CACHD1: variants seen among roughly 807,000 people sequenced by gnomAD.
The protein encoded by CACHD1 is cache domain containing 1.
Under a neutral mutation model 138.7 loss-of-function variants are expected in CACHD1, and 71 were observed. That is an observed-to-expected ratio of 0.51 (90% CI 0.42 to 0.62). The LOEUF is 0.62. CACHD1 is among the 20% of genes least tolerant of loss of function. The pLI is 0.00. For synonymous variants in CACHD1, 578 were observed against 591.5 expected, an observed-to-expected ratio of 0.98 and a Z score of 0.33; for missense variants, 1,389 against 1,625.3, an observed-to-expected ratio of 0.85 and a Z score of 2.50.
intron 2 of CACHD1, among the ~76,000 whole-genome samples, chr1:64,552,771 G>T (rs953987699): frequency 6.6e-6 from 1 of 152,200 alleles, no homozygotes; most frequent in Non-Finnish European, 1.5e-5. Context: ...GGGCCACTGT[G>T]CCCAGCCTAT....
intron 1 of CACHD1, among the ~76,000 whole-genome samples, chr1:64,496,112 T>G: frequency 6.6e-6 from 1 of 152,210 alleles, no homozygotes; most frequent in Middle Eastern, 3.2e-3. Context: ...GTAGTGAAAG[T>G]GACTTGATGT....
intron 1 of CACHD1, among the ~76,000 whole-genome samples, chr1:64,522,380 T>C (rs190193600): frequency 4.0e-4 from 61 of 152,226 alleles, no homozygotes; most frequent in Middle Eastern, 3.4e-3. Context: ...TGATCTCGGC[T>C]CACTGCAACC....
intron 1 of CACHD1, chr1:64,506,299 A>T (rs1239444563): frequency 2.6e-5 from 4 of 152,246 alleles, no homozygotes; most frequent in African/African-American, 7.2e-5. Context: ...TTCTTCAGGG[A>T]TGCAGACAGG....
At chr1:64,575,154 T>G (rs1646957498) in intron 2 of CACHD1, among the ~76,000 whole-genome samples, 1 of 152,248 alleles carries the variant, frequency 6.6e-6, no homozygotes, top group South Asian at 2.1e-4. Context: ...GTATATTCAC[T>G]GTGTTTCATT....
At chr1:64,542,976 C>A (rs1418908497) in intron 1 of CACHD1, among the ~76,000 whole-genome samples, 3 of 148,262 alleles carry the variant, frequency 2.0e-5, no homozygotes, top group African/African-American at 7.8e-5. Flanking sequence ...ATAGTACATC[C>A]ACACACACAT....
intron 1 of CACHD1, among the ~76,000 whole-genome samples, chr1:64,530,933 GTT>G (rs369893062): frequency 7.7e-6 from 1 of 130,180 alleles, no homozygotes; most frequent in African/African-American, 3.0e-5. Context: ...GTTTTTTTTT[GTT>G]TTTTTTTTTT....
At chr1:64,576,477 A>T (rs919094118) in intron 2 of CACHD1, among the ~76,000 whole-genome samples, 9 of 151,344 alleles carry the variant, frequency 5.9e-5, no homozygotes, top group Admixed American at 5.9e-4. Flanking sequence ...GCTAACAGAG[A>T]TTCCTTTTAG....
chr1:64,471,062 G>A, intron 1 of CACHD1, 120 bp downstream of exon 1: 3 of 997,536 alleles, frequency 3.0e-6, no homozygotes, highest in Non-Finnish European at 4.3e-6. Flanking sequence ...ATAGAGCCCG[G>A]CTTCCCGTCG....
chr1:64,522,338 C>G (rs530957416), intron 1 of CACHD1, among the ~76,000 whole-genome samples: 1 of 151,398 alleles, frequency 6.6e-6, no homozygotes, highest in South Asian at 2.1e-4. Flanking sequence ...AGATGAAGCT[C>G]GCTGTGTCTC....
At chr1:64,545,209 G>A (rs1646709611) in intron 1 of CACHD1, among the ~76,000 whole-genome samples, 1 of 152,198 alleles carries the variant, frequency 6.6e-6, no homozygotes, top group Admixed American at 6.5e-5. Flanking sequence ...TACCTAGAAT[G>A]TATGTTTAAA....
At chr1:64,606,618 G>T (rs1557516620) in intron 4 of CACHD1, among the ~76,000 whole-genome samples, 1 of 152,190 alleles carries the variant, frequency 6.6e-6, no homozygotes, top group Non-Finnish European at 1.5e-5. Context: ...TCGGTTAAAA[G>T]GTTTACTGAG....
chr1:64,685,034 C>T (rs1444428454), intron 26 of CACHD1, among the ~76,000 whole-genome samples: 1 of 152,154 alleles, frequency 6.6e-6, no homozygotes. Flanking sequence ...GTCTCGAACT[C>T]CCAACCTCAG....
chr1:64,486,375 C>T (rs1161835156), intron 1 of CACHD1, among the ~76,000 whole-genome samples: 1 of 150,552 alleles, frequency 6.6e-6, no homozygotes, highest in African/African-American at 2.5e-5. Flanking sequence ...CACATACACA[C>T]ACACACACAC....
At chr1:64,665,367 G>A (rs1334226003) in intron 15 of CACHD1, among the ~76,000 whole-genome samples, 2 of 151,984 alleles carry the variant, frequency 1.3e-5, no homozygotes, top group African/African-American at 4.8e-5. Context: ...GGCTGAGGTG[G>A]GAGAATTGCT....
At chr1:64,672,530 G>C (rs1649850376) in intron 17 of CACHD1, among the ~76,000 whole-genome samples, 1 of 152,036 alleles carries the variant, frequency 6.6e-6, no homozygotes, top group Non-Finnish European at 1.5e-5. Context: ...AGTTAATGTT[G>C]TTAATCTCTT....
intron 12 of CACHD1, among the ~76,000 whole-genome samples, chr1:64,656,541 T>C (rs1649267629): frequency 6.6e-6 from 1 of 152,200 alleles, no homozygotes; most frequent in Non-Finnish European, 1.5e-5. Flanking sequence ...GCATGGTTGC[T>C]GGCATTAAAA....
intron 1 of CACHD1, among the ~76,000 whole-genome samples, chr1:64,534,105 A>G (rs1164953193): frequency 6.9e-6 from 1 of 145,206 alleles, no homozygotes; most frequent in East Asian, 2.0e-4. Flanking sequence ...GTGTAGTGGC[A>G]TGTTCTTGGC....
At chr1:64,637,593 T>C (rs973984121) in intron 7 of CACHD1, among the ~76,000 whole-genome samples, 1 of 152,228 alleles carries the variant, frequency 6.6e-6, no homozygotes, top group Admixed American at 6.5e-5. Context: ...TGGATTTTTC[T>C]GTGTTGTTTT....
At chr1:64,665,191 C>G (rs749176011) in intron 15 of CACHD1, among the ~76,000 whole-genome samples, 7 of 152,014 alleles carry the variant, frequency 4.6e-5, no homozygotes, top group Non-Finnish European at 1.0e-4. Context: ...TAAAACATCT[C>G]TACCTGTAAC....
Sources: gnomAD v4.1 joint callset for allele counts (sites outside exome capture counted in the v4.1 genomes callset) on GRCh38, gnomAD v4.1.1 for gene constraint, MANE v1.5 for transcripts, NCBI Gene and HGNC (gene_info 2026-07-23, HGNC 2026-07-21) for gene names.